RUNX2: variants seen among roughly 807,000 people sequenced by gnomAD.
The protein encoded by RUNX2 is RUNX family transcription factor 2.
In RUNX2, 10 loss-of-function variants were observed where a neutral mutation model predicts 51.7. The ratio of observed to expected loss-of-function variants is 0.19; its 90% confidence interval spans 0.12 to 0.33. The LOEUF is 0.33. RUNX2 is among the 10% of genes least tolerant of loss of function. RUNX2 has a pLI of 1.00. For missense variants in RUNX2, 562 were observed against 691.3 expected (o/e 0.81, Z 2.10); for synonymous variants, 276 against 273.6 (o/e 1.01, Z -0.09).
Position 45,489,753 on chromosome 6 carries a change from A to G in RUNX2, c.686-2188A>G, listed in dbSNP as rs1582166400. On this transcript the variant is annotated intron_variant, in intron 5 of 8. Coordinates refer to ENST00000647337, the MANE Select transcript of RUNX2 (RefSeq NM_001024630.4). ...CAGACTCCATGGATCTGTGACAAGT[A>G]CTATATAATTCCCTAATTGTGAAAC... is the stretch of plus-strand genomic sequence containing the variant. Among the ~76,000 whole-genome samples, 3 of 152,200 alleles carry G rather than the reference A, an allele frequency of 2.0e-5. 1 individual carries two copies. The highest frequency in any genetic ancestry group is 3.8e-4 in the East Asian group (2 of 5,200).
intron 6 of RUNX2, among the ~76,000 whole-genome samples, chr6:45,506,434 C>T (rs1024569044): frequency 8.5e-5 from 13 of 152,056 alleles, no homozygotes; most frequent in Non-Finnish European, 1.5e-4. Context: ...TTTAGTGATA[C>T]GTAGTGCCTC....
intron 2 of RUNX2, among the ~76,000 whole-genome samples, chr6:45,347,177 T>C (rs1385860620): frequency 6.6e-6 from 1 of 152,158 alleles, no homozygotes; most frequent in African/African-American, 2.4e-5. Context: ...AGTGAAATAA[T>C]GGGATATCTG....
intron 2 of RUNX2, among the ~76,000 whole-genome samples, chr6:45,372,663 A>G (rs7744673): frequency 0.18 from 27,367 of 151,964 alleles, 3,824 homozygotes; most frequent in African/African-American, 0.39. Flanking sequence ...CAAACAGAGT[A>G]CTATTTTCTT....
chr6:45,330,061 T>C, intron 2 of RUNX2, among the ~76,000 whole-genome samples: 1 of 151,724 alleles, frequency 6.6e-6, no homozygotes, highest in East Asian at 1.9e-4. Flanking sequence ...TAATTAAACC[T>C]GAAGGGAGAA....
chr6:45,505,603 A>G (rs1563115438), intron 6 of RUNX2, among the ~76,000 whole-genome samples: 1 of 151,986 alleles, frequency 6.6e-6, no homozygotes, highest in Non-Finnish European at 1.5e-5. Flanking sequence ...TGCTTTCCTC[A>G]TCTCCACAGG....
chr6:45,342,238 T>C (rs1789936406), intron 2 of RUNX2, among the ~76,000 whole-genome samples: 1 of 151,836 alleles, frequency 6.6e-6, no homozygotes, highest in Non-Finnish European at 1.5e-5. Flanking sequence ...GAAAAAAAAA[T>C]AGAATACTAA....
chr6:45,354,421 C>T (rs897205588), intron 2 of RUNX2, among the ~76,000 whole-genome samples: 1 of 152,154 alleles, frequency 6.6e-6, no homozygotes, highest in Non-Finnish European at 1.5e-5. Context: ...CAAATGTACA[C>T]ACCCCAAAGT....
chr6:45,406,959 T>A (rs1797846688), intron 2 of RUNX2, among the ~76,000 whole-genome samples: 1 of 152,152 alleles, frequency 6.6e-6, no homozygotes, highest in South Asian at 2.1e-4. Context: ...TATTGTTGGG[T>A]ATAAAAAATA....
intron 3 of RUNX2, 57 bp downstream of exon 3, chr6:45,423,014 G>A (rs1280327894): frequency 6.3e-7 from 1 of 1,585,962 alleles, no homozygotes; most frequent in Non-Finnish European, 8.5e-7. Context: ...CTGCCCGCCG[G>A]TGTCTTCCTG....
intron 6 of RUNX2, among the ~76,000 whole-genome samples, chr6:45,496,659 T>G (rs1259137215): frequency 6.6e-6 from 1 of 152,106 alleles, no homozygotes; most frequent in Non-Finnish European, 1.5e-5. Flanking sequence ...GGGGCCACAA[T>G]AGTGGCTTGG....
At chr6:45,398,992 T>C (rs978721390) in intron 2 of RUNX2, among the ~76,000 whole-genome samples, 1 of 130,044 alleles carries the variant, frequency 7.7e-6, no homozygotes, top group African/African-American at 3.3e-5. Flanking sequence ...GAAGCTTTTG[T>C]TTACAAAAGC....
chr6:45,489,928 G>A (rs1241704773), intron 5 of RUNX2, among the ~76,000 whole-genome samples: 1 of 152,158 alleles, frequency 6.6e-6, no homozygotes, highest in Non-Finnish European at 1.5e-5. Context: ...ACCTCACTGG[G>A]CTTAGTTCTT....
chr6:45,446,230 T>C (rs371864583), intron 5 of RUNX2, among the ~76,000 whole-genome samples: 11 of 152,254 alleles, frequency 7.2e-5, no homozygotes, highest in African/African-American at 2.4e-4. Context: ...TTCATTGTAT[T>C]GGACTTGTGT....
intron 2 of RUNX2, among the ~76,000 whole-genome samples, chr6:45,397,719 C>A (rs1034093503): frequency 6.6e-6 from 1 of 152,070 alleles, no homozygotes; most frequent in African/African-American, 2.4e-5. Context: ...TTGCTAGTCA[C>A]GTAATATTTT....
chr6:45,338,466 A>C (rs1362247334), intron 2 of RUNX2, among the ~76,000 whole-genome samples: 1 of 152,094 alleles, frequency 6.6e-6, no homozygotes, highest in Non-Finnish European at 1.5e-5. Flanking sequence ...TAAAAAGCTG[A>C]TGGTACTATA....
chr6:45,365,327 T>G (rs200032531), intron 2 of RUNX2: 1 of 1,481,062 alleles, frequency 6.8e-7, no homozygotes, highest in Non-Finnish European at 9.4e-7. Context: ...AAATAAAGCT[T>G]ACAAAATGTA....
chr6:45,491,895 G>T (rs1800487088), intron 5 of RUNX2, 46 bp from the exon 6 acceptor site: 3 of 1,583,332 alleles, frequency 1.9e-6, no homozygotes, highest in South Asian at 2.2e-5. Context: ...ATGGTCAATT[G>T]TTCAGCTAAT....
chr6:45,486,779 C>T (rs1156651195), intron 5 of RUNX2, among the ~76,000 whole-genome samples: 8 of 152,118 alleles, frequency 5.3e-5, no homozygotes, highest in Middle Eastern at 3.2e-3. Flanking sequence ...CGTAGCTCTC[C>T]GAAGTTGTTA....
At chr6:45,386,747 G>A (rs931451221) in intron 2 of RUNX2, among the ~76,000 whole-genome samples, 20 of 152,334 alleles carry the variant, frequency 1.3e-4, no homozygotes, top group Non-Finnish European at 2.5e-4. Context: ...AGAGGGAGCC[G>A]TATTAGCAAA....
Sources: allele counts gnomAD v4.1 joint callset (sites outside exome capture counted in the v4.1 genomes callset), GRCh38; gene constraint gnomAD v4.1.1; transcripts MANE v1.5; gene names NCBI Gene and HGNC (gene_info 2026-07-23, HGNC 2026-07-21).